FMNL1: variants seen among roughly 807,000 people sequenced by gnomAD.
FMNL1 encodes the protein formin like 1.
FMNL1 carries 43 observed loss-of-function variants against 121.3 expected under a neutral mutation model. The ratio of observed to expected loss-of-function variants is 0.35; its 90% confidence interval spans 0.28 to 0.46. The LOEUF (loss-of-function observed/expected upper bound fraction) is 0.46, where lower values mean the gene tolerates loss of function less well. FMNL1 is among the 20% of genes least tolerant of loss of function. The probability of loss-of-function intolerance (pLI) is 1.00; values close to 1 mark genes in which losing one functional copy is unlikely to be tolerated. For missense variants in FMNL1, 1,191 were observed against 1,482.4 expected (o/e 0.80, Z 3.23); for synonymous variants, 613 against 613.5 (o/e 1.00, Z 0.01).
At position 45,246,548 on chromosome 17, in the gene FMNL1, A is replaced by T. The variant is rs765494860; in HGVS notation, c.3255A>T (p.Thr1085=). The T allele has an allele frequency of 7.4e-6, 12 of 1,613,384 alleles. No individual in the cohort carries two copies. Among genetic ancestry groups the T allele is most frequent in the Non-Finnish European group, 8.5e-7 (1 of 1,179,500 alleles). The change falls in exon 26 of 27, where the codon ACA becomes ACT. Residue 1085 remains threonine (T), a synonymous_variant. Transcript: ENST00000331495. The part of the protein sequence containing the change: ...VPFTARTGKR[T]SRLLCEASLG... The stretch of plus-strand genomic sequence containing the variant: ...TCACGGCCCGCACCGGCAAGCGGAC[A>T]TCCCGGCTCCTCTGTGAGGCCAGCC...
rs200190513 is a variant in FMNL1 at position 45,241,586 on chromosome 17, G to A, written c.1537G>A (p.Gly513Ser). Residue 513 changes from glycine to serine, a missense_variant, in exon 14 of 27, where the codon GGC becomes AGC. Physicochemically the swap from Gly to Ser is moderately conservative, Grantham distance 56. Coordinates refer to ENST00000331495, the MANE Select transcript of FMNL1 (RefSeq NM_005892.4). This position sits in a 1 kb window ranked among gnomAD's most constrained non-coding sequence, Gnocchi z 7.0. ...CCCCGTCGCTGTGGCAACTCCGAGC[G>A]GCGGTGATGCTCCGACTCCGGGGGT... is the stretch of plus-strand genomic sequence containing the variant. ...ILPVAVATPS[G>S]GDAPTPGVPT... 2.3e-4 allele frequency: 361 copies of A among 1,557,376 alleles called. 4 individuals carry two copies. The African/African-American group carries it at 4.1e-3, about 18-fold the overall frequency.
Position 45,246,926 on chromosome 17 carries a change from C to A in FMNL1, c.*68C>A, listed in dbSNP as rs371184072. 4 of 757,470 alleles carry A rather than the reference C, an allele frequency of 5.3e-6. No homozygotes were observed. Among genetic ancestry groups the A allele is most frequent in the Admixed American group, 1.7e-5 (1 of 57,976 alleles). 46.9% of individuals were successfully genotyped at this position (757,470 alleles called of 1,614,324 possible). A position where few individuals can be genotyped will look rare whatever the true frequency, so the allele number is the denominator to read the frequency against. On this transcript the variant is annotated 3_prime_UTR_variant, in exon 27 of 27. Coordinates refer to ENST00000331495, the MANE Select transcript of FMNL1 (RefSeq NM_005892.4). ...AGGCCGCCGCAGTGCCCGTCGGCGT[C>A]CCCCGGGCCCCCCACTGCAGGTCAC...
rs1473840101 is a variant in FMNL1 at position 45,241,536 on chromosome 17, G to A, written c.1487G>A (p.Gly496Glu). 9 of 1,577,214 alleles carry A rather than the reference G, an allele frequency of 5.7e-6. No homozygotes were observed. The South Asian group carries it at 6.9e-5, about 12-fold the overall frequency. Reference protein sequence around the residue: ...KGLIRILRGPGDAVSIEILPV... With the variant: ...KGLIRILRGPEDAVSIEILPV... ...TTAATCCGTATTCTGCGGGGGCCGGGGGATGCTGTCTCCATCGAGATCCTC... is the reference window on the plus strand; with the variant it reads ...TTAATCCGTATTCTGCGGGGGCCGGAGGATGCTGTCTCCATCGAGATCCTC... The change falls in exon 14 of 27, where the codon GGG becomes GAG. Residue 496 changes from glycine to glutamate, a missense_variant. Coordinates refer to ENST00000331495, the MANE Select transcript of FMNL1 (RefSeq NM_005892.4). This position sits in a 1 kb window ranked among gnomAD's most constrained non-coding sequence, Gnocchi z 7.0.
chr17:45,237,379 T>C lies in FMNL1; in HGVS notation c.800+22T>C. 6.2e-7 allele frequency: 1 copy of C among 1,613,896 alleles called. No homozygotes were observed. The highest frequency in any genetic ancestry group is 8.5e-7 in the Non-Finnish European group (1 of 1,179,798). Reference sequence around the variant, plus strand: ...CCAGGTGAGGTCCAGGCCCCAAACCTTTCTCCGTATCTAGAGTCTTCTCCT... The same window carrying C: ...CCAGGTGAGGTCCAGGCCCCAAACCCTTCTCCGTATCTAGAGTCTTCTCCT... On this transcript the variant is annotated intron_variant, in intron 8 of 26. Transcript: ENST00000331495. The surrounding 1 kb of genome is among the most constrained non-coding windows in gnomAD (Gnocchi z 4.4).
At chr17:45,235,892 C>T (rs1188770478) in intron 6 of FMNL1, among the ~76,000 whole-genome samples, 1 of 152,218 alleles carries the variant, frequency 6.6e-6, no homozygotes, top group African/African-American at 2.4e-5. Context: ...TATAGACCCT[C>T]ACCCTACCAA....
rs569280215 is a variant in FMNL1 at position 45,237,553 on chromosome 17, G to C, written c.808G>C (p.Ala270Pro). 25 of 1,614,156 alleles carry C rather than the reference G, an allele frequency of 1.5e-5. No homozygotes were observed. In the South Asian group the frequency reaches 2.2e-4, roughly 14 times the overall value. ...SLNNKNPRTK[A>P]LVLELLAAVC... The stretch of plus-strand genomic sequence containing the variant: ...TGCCCCTTCTCTCTCCAGAACCAAG[G>C]CTCTGGTGCTGGAGCTGCTGGCGGC... Residue 270 changes from alanine (A) to proline (P), a missense_variant, in exon 9 of 27, where the codon GCT becomes CCT. Coordinates refer to ENST00000331495, the MANE Select transcript of FMNL1 (RefSeq NM_005892.4). The surrounding 1 kb of genome is among the most constrained non-coding windows in gnomAD (Gnocchi z 4.4).
rs1405280454 is a variant in FMNL1, at chr17:45,246,204, C to T, written c.3091-6C>T. 6.2e-7 allele frequency: 1 copy of T among 1,604,008 alleles called. No individual in the cohort carries two copies. The highest frequency in any genetic ancestry group is 8.5e-7 in the Non-Finnish European group (1 of 1,172,636). ...TCCTGGAGCTGGAGCTATAAATTCC[C>T]CCTAGTCACCGCCAAAGGCCCGGCG... On this transcript the variant is annotated splice_region_variant and splice_polypyrimidine_tract_variant and intron_variant, in intron 24 of 26. Coordinates refer to ENST00000331495, the MANE Select transcript of FMNL1 (RefSeq NM_005892.4).
At chr17:45,236,885 G>A (rs2043562072) in intron 7 of FMNL1, among the ~76,000 whole-genome samples, 2 of 152,208 alleles carry the variant, frequency 1.3e-5, no homozygotes, top group African/African-American at 2.4e-5. Flanking sequence ...GCCAAGGTGG[G>A]CAGATCACCT....
At chr17:45,244,109 T>C in intron 18 of FMNL1, 67 bp from the exon 19 acceptor site, 1 of 1,607,754 alleles carries the variant, frequency 6.2e-7, no homozygotes, top group African/African-American at 1.3e-5. Context: ...GCAGGGAACC[T>C]GGGAGTACTT....
chr17:45,245,916 C>A lies in FMNL1; in HGVS notation c.3033C>A (p.Ala1011=), dbSNP rs73984350. 2.5e-6 allele frequency: 4 copies of A among 1,590,920 alleles called. No individual in the cohort carries two copies. Among genetic ancestry groups the A allele is most frequent in the African/African-American group, 1.4e-5 (1 of 73,182 alleles). The change falls in exon 24 of 27, where the codon GCC becomes GCA. Residue 1011 remains alanine (A), a synonymous_variant. Coordinates refer to ENST00000331495, the MANE Select transcript of FMNL1 (RefSeq NM_005892.4). ...AGGTGGAACAGTGGAAAAAAGAAGC[C>A]GCTGCCCAGGAGGCAGGCGCTGATA... The part of the protein sequence containing the change: ...EQEVEQWKKE[A]AAQEAGADTP...
Position 45,237,249 on chromosome 17 carries a change from C to T in FMNL1, c.724-32C>T, listed in dbSNP as rs1345186072. 1.2e-6 allele frequency: 2 copies of T among 1,610,904 alleles called. No individual in the cohort carries two copies. Among genetic ancestry groups the T allele is most frequent in the Non-Finnish European group, 1.7e-6 (2 of 1,177,182 alleles). ...GTGCCTGAAGTCCTGGGGGGCCCTT[C>T]CTGGAGACACTGACCTCTCCTCTCT... is the stretch of plus-strand genomic sequence containing the variant. On this transcript the variant is annotated intron_variant, in intron 7 of 26. Transcript: ENST00000331495. This position sits in a 1 kb window ranked among gnomAD's most constrained non-coding sequence, Gnocchi z 4.4.
At position 45,242,722 on chromosome 17, in the gene FMNL1, C is replaced by T. The variant is rs114291958; in HGVS notation, c.2010+257C>T. On this transcript the variant is annotated intron_variant, in intron 16 of 26. Coordinates refer to ENST00000331495, the MANE Select transcript of FMNL1 (RefSeq NM_005892.4). ...ACTTCTTCTGCCTCCAGGCCTCTTT[C>T]CTTCCACTTTCCCACAGGCAGCCAA... Among the ~76,000 whole-genome samples, 476 of 152,378 alleles carry T rather than the reference C, an allele frequency of 3.1e-3. 6 individuals carry two copies. The highest frequency in any genetic ancestry group is 0.011 in the African/African-American group (468 of 41,590).
At chr17:45,222,560 C>T (rs2043249710) in intron 1 of FMNL1, among the ~76,000 whole-genome samples, 1 of 151,990 alleles carries the variant, frequency 6.6e-6, no homozygotes, top group Admixed American at 6.5e-5. Flanking sequence ...GCACAGGGGT[C>T]CCGGGTCGCC....
intron 22 of FMNL1, 92 bp downstream of exon 22, chr17:45,245,508 G>A (rs760111474): frequency 1.1e-5 from 18 of 1,603,972 alleles, no homozygotes; most frequent in Non-Finnish European, 1.5e-5. Context: ...GGGACCCCTT[G>A]GGGGGATGCA....
Position 45,237,620 on chromosome 17 carries a change from C to A in FMNL1, c.875C>A (p.Ala292Asp). The A allele has an allele frequency of 6.2e-7, 1 of 1,614,152 alleles. No homozygotes were observed. The highest frequency in any genetic ancestry group is 8.5e-7 in the Non-Finnish European group (1 of 1,180,012). The change falls in exon 9 of 27, where the codon GCC (alanine) becomes GAC (aspartate). Residue 292 changes from alanine to aspartate, a missense_variant. Ala to Asp is a moderately radical substitution (Grantham distance 126, BLOSUM62 -2). This residue lies in a region of FMNL1 where 253 missense variants were observed against 417.5 expected (regional missense o/e 0.61). Transcript: ENST00000331495. This position sits in a 1 kb window ranked among gnomAD's most constrained non-coding sequence, Gnocchi z 4.4. Reference sequence around the variant, plus strand: ...GGAGGACATGACATCATCCTTGCAGCCTTTGACAACTTCAAGGAGGTACCG... The same window carrying A: ...GGAGGACATGACATCATCCTTGCAGACTTTGACAACTTCAAGGAGGTACCG... ...VRGGHDIILA[A>D]FDNFKEVCGE...
In FMNL1 at chr17:45,241,574, G is replaced by GCAACTCCGAGCGGCGGTGATGCTC; in HGVS notation, c.1527_1550dup (p.Ser512_Pro519dup). The GCAACTCCGAGCGGCGGTGATGCTC allele has an allele frequency of 1.9e-6, 3 of 1,564,048 alleles. No homozygotes were observed. The highest frequency in any genetic ancestry group is 2.6e-6 in the Non-Finnish European group (3 of 1,154,080). On this transcript the variant is annotated inframe_insertion, in exon 14 of 27. Coordinates refer to ENST00000331495, the MANE Select transcript of FMNL1 (RefSeq NM_005892.4). The surrounding 1 kb of genome is among the most constrained non-coding windows in gnomAD (Gnocchi z 7.0). ...CATCGAGATCCTCCCCGTCGCTGTGGCAACTCCGAGCGGCGGTGATGCTCC... is the reference window on the plus strand; with the variant it reads ...CATCGAGATCCTCCCCGTCGCTGTGGCAACTCCGAGCGGCGGTGATGCTCCAACTCCGAGCGGCGGTGATGCTCC...
At chr17:45,223,031 G>T (rs1221395861) in intron 1 of FMNL1, among the ~76,000 whole-genome samples, 2 of 152,182 alleles carry the variant, frequency 1.3e-5, no homozygotes, top group African/African-American at 4.8e-5. Flanking sequence ...AGTGGGGTGG[G>T]GGCTCCAGAG....
intron 1 of FMNL1, among the ~76,000 whole-genome samples, chr17:45,223,664 G>A (rs1004810893): frequency 6.6e-6 from 1 of 152,188 alleles, no homozygotes; most frequent in Non-Finnish European, 1.5e-5. Context: ...GGGGAGGGGG[G>A]AGAATGAGGA....
intron 19 of FMNL1, 60 bp downstream of exon 19, chr17:45,244,304 C>T (rs2143619357): frequency 1.3e-6 from 2 of 1,534,464 alleles, no homozygotes; most frequent in Non-Finnish European, 8.9e-7. Flanking sequence ...AGAGGGAGAC[C>T]CAGGCCCTGC....
Sources: gnomAD v4.1 joint callset for allele counts (sites outside exome capture counted in the v4.1 genomes callset) on GRCh38, gnomAD v4.1.1 for gene constraint, gnomAD v4.1.1 regional missense constraint, Gnocchi (gnomAD v3.1) non-coding constraint, MANE v1.5 for transcripts, NCBI Gene and HGNC (gene_info 2026-07-23, HGNC 2026-07-21) for gene names.